The following DOP1A variants were observed in gnomAD, a reference collection of about 807,000 sequenced individuals.
The protein encoded by DOP1A is DOP1 leucine zipper like protein A.
In DOP1A, 90 loss-of-function variants were observed where a neutral mutation model predicts 267.6. The ratio of observed to expected loss-of-function variants is 0.34; its 90% CI spans 0.28 to 0.40. The LOEUF (loss-of-function observed/expected upper bound fraction) is 0.40. Ranked by LOEUF, DOP1A falls within the 10% of genes least tolerant of loss-of-function variation. The probability of loss-of-function intolerance (pLI) is 1.00; values close to 1 mark genes in which losing one functional copy is unlikely to be tolerated. For synonymous variants in DOP1A, 932 were observed against 999.1 expected, an observed-to-expected ratio of 0.93 and a Z score of 1.27; for missense variants, 2,437 against 2,900.4, an observed-to-expected ratio of 0.84 and a Z score of 3.67.
chr6:83,126,884 G>A (rs529687263), intron 15 of DOP1A, among the ~76,000 whole-genome samples: 4 of 152,132 alleles, frequency 2.6e-5, no homozygotes, highest in Non-Finnish European at 4.4e-5. Context: ...CAGTCTCACC[G>A]AAAACTTAGG....
intron 1 of DOP1A, among the ~76,000 whole-genome samples, chr6:83,081,263 A>G (rs1768023673): frequency 6.6e-6 from 1 of 152,112 alleles, no homozygotes; most frequent in Admixed American, 6.5e-5. Flanking sequence ...ATGCACCACC[A>G]TGCCCGGCTA....
At position 83,138,427 on chromosome 6, in the gene DOP1A, A is replaced by G. The variant is rs1040844123; in HGVS notation, c.4385A>G (p.Tyr1462Cys). ...YIEILISLCL[Y>C]YMRSHYPTHV... ...GAAATTCTTATTTCTCTCTGCTTAT[A>G]TTACATGCGTAGCCATTACCCAACT... The change falls in exon 21 of 39, where the codon TAT becomes TGT. Residue 1462 changes from tyrosine (Y) to cysteine (C), a missense_variant. Physicochemically the swap from Tyr to Cys is radical, Grantham distance 194 (BLOSUM62 -2). Transcript: ENST00000349129. The G allele has an allele frequency of 6.2e-7, 1 of 1,612,038 alleles. No individual in the cohort carries two copies.
At chr6:83,107,224 A>T (rs1423606689) in intron 4 of DOP1A, among the ~76,000 whole-genome samples, 1 of 152,104 alleles carries the variant, frequency 6.6e-6, no homozygotes, top group African/African-American at 2.4e-5. Flanking sequence ...AAAAGCAAAG[A>T]TGTCAGTTCG....
intron 4 of DOP1A, among the ~76,000 whole-genome samples, chr6:83,105,356 CTTTTTTTTTTTTT>C (rs70987733): frequency 3.0e-5 from 2 of 65,940 alleles, no homozygotes; most frequent in South Asian, 6.5e-4. Flanking sequence ...GGATGTCTTT[CTTTTTTTTTTTTT>C]TTTTTTTTTT....
intron 9 of DOP1A, 31 bp from the exon 10 acceptor site, chr6:83,120,652 T>C (rs1046564971): frequency 3.1e-5 from 45 of 1,475,388 alleles, no homozygotes; most frequent in Non-Finnish European, 4.0e-5. Flanking sequence ...TATGTTTACT[T>C]AAATGACCAG....
Position 83,148,935 on chromosome 6 carries a change from A to G in DOP1A, c.5837+72A>G, listed in dbSNP as rs990142463. The stretch of plus-strand genomic sequence containing the variant: ...ATTGTCCTAGTTGCCAAGTATTAGT[A>G]ATAGATATTTTAGGTGACAGTGATC... On this transcript the variant is annotated intron_variant, in intron 27 of 38. Transcript: ENST00000349129. 3 of 907,696 alleles carry G rather than the reference A, an allele frequency of 3.3e-6. No individual in the cohort carries two copies. In the Admixed American group the frequency reaches 9.9e-5, roughly 30 times the overall value. The allele number at this position is 907,696 out of a possible 1,614,324, so 56.2% of individuals were successfully genotyped here. A position where few individuals can be genotyped will look rare whatever the true frequency, so the allele number is the denominator to read the frequency against.
chr6:83,162,342 T>G (rs994888453), intron 37 of DOP1A, among the ~76,000 whole-genome samples: 5 of 152,184 alleles, frequency 3.3e-5, no homozygotes, highest in Non-Finnish European at 7.4e-5. Context: ...GTTCAATTTT[T>G]TACTCCTTTA....
intron 15 of DOP1A, among the ~76,000 whole-genome samples, chr6:83,128,449 G>T (rs1297058501): frequency 6.6e-6 from 1 of 152,150 alleles, no homozygotes; most frequent in Admixed American, 6.5e-5. Flanking sequence ...TAATAGCAAA[G>T]ATTTAATTAG....
At chr6:83,164,665 G>T in intron 38 of DOP1A, 1 of 1,577,890 alleles carries the variant, frequency 6.3e-7, no homozygotes, top group East Asian at 2.3e-5. Flanking sequence ...CACAGGACAA[G>T]GAGGAGGACT....
chr6:83,150,731 T>G (rs887576206), intron 27 of DOP1A, among the ~76,000 whole-genome samples: 1 of 152,220 alleles, frequency 6.6e-6, no homozygotes, highest in Non-Finnish European at 1.5e-5. Flanking sequence ...ATGGAAATTT[T>G]TTTCTTCATG....
At chr6:83,167,448 T>C in intron 38 of DOP1A, 1 of 984,278 alleles carries the variant, frequency 1.0e-6, no homozygotes, top group East Asian at 1.1e-4. Context: ...GGGGATATAT[T>C]ATGAAATGTA....
At chr6:83,069,415 C>T (rs1010195719) in intron 1 of DOP1A, among the ~76,000 whole-genome samples, 13 of 152,194 alleles carry the variant, frequency 8.5e-5, no homozygotes, top group African/African-American at 3.1e-4. Flanking sequence ...TCCTAGCATT[C>T]CCAAATTTAC....
At chr6:83,145,206 TAATATATATATATATA>T (rs1780400739) in intron 24 of DOP1A, among the ~76,000 whole-genome samples, 1 of 3,004 alleles carries the variant, frequency 3.3e-4, no homozygotes, top group East Asian at 9.8e-3. Context: ...ATATATATAA[TAATATATATATATATA>T]ATATATATAT....
chr6:83,108,854 A>G (rs1229568092), intron 4 of DOP1A, 56 bp from the exon 5 acceptor site: 1 of 1,478,490 alleles, frequency 6.8e-7, no homozygotes, highest in Non-Finnish European at 9.2e-7. Context: ...TTGCATATGA[A>G]TTAATATTGT....
intron 24 of DOP1A, 42 bp downstream of exon 24, chr6:83,142,088 G>A: frequency 3.1e-6 from 5 of 1,604,094 alleles, no homozygotes; most frequent in Non-Finnish European, 3.4e-6. Flanking sequence ...TTTGCATTTG[G>A]TGAGTACATG....
At chr6:83,078,956 G>A (rs1767607896) in intron 1 of DOP1A, among the ~76,000 whole-genome samples, 1 of 152,048 alleles carries the variant, frequency 6.6e-6, no homozygotes, top group Admixed American at 6.5e-5. Context: ...AACATGAGAG[G>A]GGATGGACAT....
intron 4 of DOP1A, among the ~76,000 whole-genome samples, chr6:83,105,339 T>G (rs1472461527): frequency 6.8e-6 from 1 of 147,760 alleles, no homozygotes; most frequent in Non-Finnish European, 1.5e-5. Context: ...TAAAGAGAAA[T>G]GAACATGGAT....
chr6:83,120,818 G>T (rs368375057), intron 10 of DOP1A, 27 bp downstream of exon 10: 4 of 1,397,624 alleles, frequency 2.9e-6, no homozygotes, highest in Non-Finnish European at 3.9e-6. Flanking sequence ...TAGGGCATAA[G>T]GTCATGTGTG....
intron 15 of DOP1A, among the ~76,000 whole-genome samples, chr6:83,128,008 G>C (rs1341302966): frequency 1.3e-5 from 2 of 152,110 alleles, no homozygotes; most frequent in Non-Finnish European, 2.9e-5. Flanking sequence ...CTACTGATAT[G>C]AAAGTGGGGA....
Sources: allele counts gnomAD v4.1 joint callset (sites outside exome capture counted in the v4.1 genomes callset), GRCh38; gene constraint gnomAD v4.1.1; transcripts MANE v1.5; gene names NCBI Gene and HGNC (gene_info 2026-07-23, HGNC 2026-07-21).